The following ADRA1B variants were observed in gnomAD, a reference collection of about 807,000 sequenced individuals.
ADRA1B encodes the protein alpha-1B adrenergic receptor.
ADRA1B carries 17 observed loss-of-function variants against 17.9 expected under a neutral mutation model. The ratio of observed to expected loss-of-function variants is 0.95; its 90% CI spans 0.65 to 1.42. The LOEUF is 1.42. ADRA1B is among the 40% of genes most tolerant of loss of function. The pLI, the probability that ADRA1B is intolerant of heterozygous loss-of-function variation, is 0.00. For missense variants in ADRA1B, 681 were observed against 722.1 expected (o/e 0.94, Z 0.65); for synonymous variants, 366 against 327.6 (o/e 1.12, Z -1.27).
chr5:159,934,992 C>T (rs1457563238), intron 1 of ADRA1B, among the ~76,000 whole-genome samples: 1 of 152,120 alleles, frequency 6.6e-6, no homozygotes, highest in East Asian at 1.9e-4. Flanking sequence ...GGGTGCAAAA[C>T]ACTAGTAAAT....
At chr5:159,924,981 G>C (rs562704761) in intron 1 of ADRA1B, among the ~76,000 whole-genome samples, 1 of 152,288 alleles carries the variant, frequency 6.6e-6, no homozygotes, top group East Asian at 1.9e-4. Flanking sequence ...CCTGTCCACA[G>C]GATTGTGAAG....
chr5:159,949,443 T>C (rs183689015), intron 1 of ADRA1B, among the ~76,000 whole-genome samples: 1 of 152,334 alleles, frequency 6.6e-6, no homozygotes, highest in East Asian at 1.9e-4. Flanking sequence ...AAAATGTACA[T>C]ATGCACATCA....
At chr5:159,872,722 T>C (rs1753760061) in intron 1 of ADRA1B, among the ~76,000 whole-genome samples, 2 of 152,188 alleles carry the variant, frequency 1.3e-5, no homozygotes, top group Admixed American at 6.5e-5. Context: ...GGCAGTTTCA[T>C]GGCTCTGAAA....
chr5:159,943,912 TCACA>T (rs70987984), intron 1 of ADRA1B, among the ~76,000 whole-genome samples: 7,723 of 147,452 alleles, frequency 0.052, 238 homozygotes, highest in East Asian at 0.14. Context: ...TCTGTCTCTC[TCACA>T]CACACACACA....
chr5:159,891,418 C>G (rs948633114), intron 1 of ADRA1B, among the ~76,000 whole-genome samples: 1 of 152,160 alleles, frequency 6.6e-6, no homozygotes, highest in Non-Finnish European at 1.5e-5. Context: ...CCCAGCCCCT[C>G]AGGGACTGAC....
At chr5:159,909,742 G>A (rs189831947) in intron 1 of ADRA1B, among the ~76,000 whole-genome samples, 36 of 152,296 alleles carry the variant, frequency 2.4e-4, no homozygotes, top group African/African-American at 7.9e-4. Context: ...CACTTAATTA[G>A]TTCTATTGCC....
chr5:159,986,563 AGAG>A, the ADRA1B span, among the ~76,000 whole-genome samples: 1 of 152,184 alleles, frequency 6.6e-6, no homozygotes. Flanking sequence ...TCAAACTCAG[AGAG>A]GAGAAGAATC....
chr5:159,867,551 T>C (rs572986475), intron 1 of ADRA1B, among the ~76,000 whole-genome samples: 1 of 152,292 alleles, frequency 6.6e-6, no homozygotes, highest in Non-Finnish European at 1.5e-5. Flanking sequence ...TGTTAGTATT[T>C]TACAGCTATA....
chr5:159,887,373 T>C (rs4921239), intron 1 of ADRA1B, among the ~76,000 whole-genome samples: 107,766 of 152,186 alleles, frequency 0.71, 39,952 homozygotes, highest in African/African-American at 0.88. Flanking sequence ...ATGTCAGTTA[T>C]AGGACAACTA....
chr5:159,880,551 A>T (rs997998304), intron 1 of ADRA1B, among the ~76,000 whole-genome samples: 4 of 152,186 alleles, frequency 2.6e-5, no homozygotes, highest in African/African-American at 9.7e-5. Flanking sequence ...GCTTGCATCT[A>T]CCCTACAAAG....
At chr5:159,881,348 CCCTT>C (rs1753862172) in intron 1 of ADRA1B, among the ~76,000 whole-genome samples, 1 of 94,986 alleles carries the variant, frequency 1.1e-5, no homozygotes, top group African/African-American at 3.7e-5. Flanking sequence ...TCTCTCTCTG[CCCTT>C]TTCTCCTCTG....
In ADRA1B at chr5:159,954,241, C is replaced by T. The variant is rs1210622376; in HGVS notation, c.950-17638C>T. ...GCTTATCAACAACAGAAATTTATTCCTCACAGTTCTGGAGGCTGGAAGTCC... is the reference window on the plus strand; with the variant it reads ...GCTTATCAACAACAGAAATTTATTCTTCACAGTTCTGGAGGCTGGAAGTCC... On this transcript the variant is annotated intron_variant, in intron 1 of 1. Transcript: ENST00000306675. Among the ~76,000 whole-genome samples the T allele has an allele frequency of 3.3e-5, 5 of 152,094 alleles. No homozygotes were observed. The South Asian group carries it at 1.0e-3, about 32-fold the overall frequency.
intron 1 of ADRA1B, among the ~76,000 whole-genome samples, chr5:159,952,908 T>A (rs1354073815): frequency 6.6e-6 from 1 of 152,214 alleles, no homozygotes; most frequent in African/African-American, 2.4e-5. Context: ...AGGCCTCCCC[T>A]CTCAAGAGCT....
chr5:159,913,516 T>C (rs777278877), upstream of ADRA1B, among the ~76,000 whole-genome samples: 2 of 152,230 alleles, frequency 1.3e-5, no homozygotes, highest in Non-Finnish European at 2.9e-5. Context: ...AAGTCTGAAA[T>C]CTGCAAGGAT....
chr5:159,911,419 C>T (rs1331242981), intron 1 of ADRA1B, among the ~76,000 whole-genome samples: 1 of 152,182 alleles, frequency 6.6e-6, no homozygotes, highest in Non-Finnish European at 1.5e-5. Flanking sequence ...GCCTTCACAC[C>T]CCAGCCCCCG....
At chr5:159,885,533 GACACTA>G (rs1351520452) in intron 1 of ADRA1B, among the ~76,000 whole-genome samples, 4 of 152,306 alleles carry the variant, frequency 2.6e-5, no homozygotes, top group African/African-American at 9.6e-5. Flanking sequence ...TCTTCCTCTG[GACACTA>G]ACACTAACAC....
chr5:159,937,331 A>G (rs1426807060), intron 1 of ADRA1B, among the ~76,000 whole-genome samples: 1 of 152,188 alleles, frequency 6.6e-6, no homozygotes, highest in Non-Finnish European at 1.5e-5. Flanking sequence ...AGAAAAACAC[A>G]GCTTAGGGAG....
At position 159,917,799 on chromosome 5, in the gene ADRA1B, T is replaced by C. The variant is rs1425440630; in HGVS notation, c.894T>C (p.Ile298=). 9.3e-6 allele frequency: 15 copies of C among 1,613,444 alleles called. No homozygotes were observed. Among genetic ancestry groups the C allele is most frequent in the African/African-American group, 1.3e-5 (1 of 74,926 alleles). The change falls in exon 1 of 2, where the codon ATT becomes ATC. Residue 298 remains isoleucine (I), a synonymous_variant. Coordinates refer to ENST00000306675, the MANE Select transcript of ADRA1B (RefSeq NM_000679.4). ...REKKAAKTLG[I]VVGMFILCWL... is the part of the protein sequence containing the mutation. ...AGAAAGCAGCTAAGACGTTGGGCAT[T>C]GTGGTCGGTATGTTCATCTTGTGCT...
chr5:159,965,640 T>C (rs540613743), intron 1 of ADRA1B, among the ~76,000 whole-genome samples: 1 of 152,110 alleles, frequency 6.6e-6, no homozygotes, highest in East Asian at 1.9e-4. Flanking sequence ...ACCCCCCTAA[T>C]CCCAGCAGCT....
Sources: allele counts gnomAD v4.1 joint callset (sites outside exome capture counted in the v4.1 genomes callset), GRCh38; gene constraint gnomAD v4.1.1; transcripts MANE v1.5; gene names NCBI Gene and HGNC (gene_info 2026-07-23, HGNC 2026-07-21).